LRRC4C: variants seen among roughly 807,000 people sequenced by gnomAD.
The protein encoded by LRRC4C is leucine-rich repeat-containing protein 4C.
A neutral mutation model predicts 33.6 loss-of-function variants in LRRC4C; 5 were observed. The ratio of observed to expected loss-of-function variants is 0.15; its 90% CI spans 0.08 to 0.31. The LOEUF (loss-of-function observed/expected upper bound fraction) is 0.31. Among genes scored for constraint, LRRC4C ranks in the 10% least tolerant of loss-of-function variants. The pLI is 1.00. For synonymous variants in LRRC4C, 329 were observed against 302.0 expected (o/e 1.09, Z -0.93); for missense variants, 560 against 796.7 (o/e 0.70, Z 3.58).
At chr11:40,706,377 A>G (rs1233567874) in intron 2 of LRRC4C, among the ~76,000 whole-genome samples, 1 of 152,080 alleles carries the variant, frequency 6.6e-6, no homozygotes, top group Non-Finnish European at 1.5e-5. Context: ...ATCTTGAATT[A>G]ATTTTTGTAT....
intron 3 of LRRC4C, among the ~76,000 whole-genome samples, chr11:40,580,263 G>C (rs1373052000): frequency 1.3e-5 from 2 of 152,088 alleles, no homozygotes; most frequent in Non-Finnish European, 2.9e-5. Flanking sequence ...GAAGGTGAAG[G>C]GGAAGCAAGG....
At chr11:40,512,040 A>T (rs1032072365) in intron 3 of LRRC4C, among the ~76,000 whole-genome samples, 1 of 152,272 alleles carries the variant, frequency 6.6e-6, no homozygotes, top group African/African-American at 2.4e-5. Flanking sequence ...CAGGTCCAGA[A>T]AAAAAGAAAA....
At chr11:41,248,832 C>T (rs1419811998) in intron 1 of LRRC4C, among the ~76,000 whole-genome samples, 2 of 152,222 alleles carry the variant, frequency 1.3e-5, no homozygotes, top group East Asian at 1.9e-4. Flanking sequence ...CTACTCTCTC[C>T]GAATCCGAAA....
chr11:40,795,687 GCT>G (rs1950795877), intron 2 of LRRC4C, among the ~76,000 whole-genome samples: 1 of 152,106 alleles, frequency 6.6e-6, no homozygotes, highest in Non-Finnish European at 1.5e-5. Context: ...TATAAAACAA[GCT>G]GTTTATTTTG....
At chr11:40,288,147 G>T (rs543249866) in intron 4 of LRRC4C, among the ~76,000 whole-genome samples, 76 of 152,262 alleles carry the variant, frequency 5.0e-4, no homozygotes, top group African/African-American at 1.6e-3. Context: ...GGCTCAGAGA[G>T]GTTAAATGAT....
intron 1 of LRRC4C, among the ~76,000 whole-genome samples, chr11:41,076,579 C>T (rs896819493): frequency 5.3e-5 from 8 of 152,132 alleles, no homozygotes; most frequent in Non-Finnish European, 7.4e-5. Context: ...GAAATTTGCC[C>T]GTATGATCCA....
chr11:40,258,546 G>A (rs1283839364), intron 4 of LRRC4C, among the ~76,000 whole-genome samples: 1 of 152,126 alleles, frequency 6.6e-6, no homozygotes, highest in East Asian at 1.9e-4. Context: ...CTAGCAAAAT[G>A]CTCCTTATAG....
chr11:40,745,428 A>G (rs574963205), intron 2 of LRRC4C, among the ~76,000 whole-genome samples: 1 of 152,308 alleles, frequency 6.6e-6, no homozygotes, highest in African/African-American at 2.4e-5. Flanking sequence ...ATACTATGAG[A>G]ACGTTTGATA....
At chr11:41,003,699 A>ATGAGGTCATC (rs1292565651) in intron 1 of LRRC4C, among the ~76,000 whole-genome samples, 9 of 151,966 alleles carry the variant, frequency 5.9e-5, no homozygotes, top group Admixed American at 1.3e-4. Context: ...AAGAGACATC[A>ATGAGGTCATC]TGAGGTCATC....
chr11:40,945,466 CT>C (rs1565228269), intron 1 of LRRC4C, among the ~76,000 whole-genome samples: 2 of 152,112 alleles, frequency 1.3e-5, no homozygotes, highest in South Asian at 2.1e-4. Context: ...TTTAAATACA[CT>C]GTCTATACTC....
chr11:41,279,428 A>ACACACACACCCCC (rs58139193), intron 1 of LRRC4C, among the ~76,000 whole-genome samples: 2 of 140,788 alleles, frequency 1.4e-5, no homozygotes, highest in African/African-American at 5.4e-5. Flanking sequence ...ACACACACAC[A>ACACACACACCCCC]CCGTGGCAAT....
rs541494355 is a variant in LRRC4C at position 40,509,672 on chromosome 11, C to T, written c.-270+138470G>A. ...AATTTTCTGATTTCTGTTAATTTTG[C>T]GTAGCATTTTTTATAAAAAAGGGAG... On this transcript the variant is annotated intron_variant, in intron 3 of 6. Coordinates refer to ENST00000528697, the MANE Select transcript of LRRC4C (RefSeq NM_001258419.2). Among the ~76,000 whole-genome samples, 227 of 151,818 alleles carry T rather than the reference C, an allele frequency of 1.5e-3. 1 individual carries two copies. The highest frequency in any genetic ancestry group is 1.6e-3 in the Non-Finnish European group (108 of 67,926).
At chr11:40,877,194 C>G (rs371394256) in intron 2 of LRRC4C, among the ~76,000 whole-genome samples, 1 of 152,012 alleles carries the variant, frequency 6.6e-6, no homozygotes, top group Non-Finnish European at 1.5e-5. Flanking sequence ...CATTCAGAAG[C>G]GACCTCTTTG....
At chr11:40,436,417 G>A (rs1311547540) in intron 3 of LRRC4C, among the ~76,000 whole-genome samples, 2 of 152,154 alleles carry the variant, frequency 1.3e-5, no homozygotes, top group East Asian at 1.9e-4. Context: ...CTCTAAGGAA[G>A]TAGGAGTGTG....
chr11:40,732,752 T>C (rs1947655885), intron 2 of LRRC4C, among the ~76,000 whole-genome samples: 1 of 152,196 alleles, frequency 6.6e-6, no homozygotes, highest in South Asian at 2.1e-4. Context: ...TATGAAAGTA[T>C]AAAGTGCACA....
At chr11:40,416,657 C>T (rs1162019314) in intron 3 of LRRC4C, among the ~76,000 whole-genome samples, 2 of 152,300 alleles carry the variant, frequency 1.3e-5, no homozygotes, top group African/African-American at 4.8e-5. Flanking sequence ...AAGTGACTTG[C>T]TGACATTACC....
intron 3 of LRRC4C, among the ~76,000 whole-genome samples, chr11:40,573,190 G>A (rs750134348): frequency 4.6e-5 from 7 of 152,150 alleles, no homozygotes; most frequent in Non-Finnish European, 5.9e-5. Context: ...TCATCTTTCA[G>A]ATGTTAAAAT....
rs183994289 is a variant in LRRC4C, at chr11:40,231,028, T to C, written c.-96+10491A>G. Among the ~76,000 whole-genome samples the C allele has an allele frequency of 4.6e-5, 7 of 152,240 alleles. No homozygotes were observed. The East Asian group carries it at 1.2e-3, about 25-fold the overall frequency. Reference sequence around the variant, plus strand: ...GGGCTGGCACAGAATAGAGTTCCAGTAAATATTTGTTTAAATAACAAGGAA... The same window carrying C: ...GGGCTGGCACAGAATAGAGTTCCAGCAAATATTTGTTTAAATAACAAGGAA... On this transcript the variant is annotated intron_variant, in intron 5 of 6. Coordinates refer to ENST00000528697, the MANE Select transcript of LRRC4C (RefSeq NM_001258419.2).
chr11:40,527,530 G>A (rs921479914), intron 3 of LRRC4C, among the ~76,000 whole-genome samples: 3 of 152,066 alleles, frequency 2.0e-5, no homozygotes, highest in African/African-American at 7.2e-5. Flanking sequence ...ATAGGAGGAG[G>A]CAAGTTGGGG....
Sources: gnomAD v4.1 joint callset for allele counts (sites outside exome capture counted in the v4.1 genomes callset) on GRCh38, gnomAD v4.1.1 for gene constraint, MANE v1.5 for transcripts, NCBI Gene and HGNC (gene_info 2026-07-23, HGNC 2026-07-21) for gene names.